The following SGCD variants were observed in gnomAD, a reference collection of about 807,000 sequenced individuals.
The protein encoded by SGCD is delta-sarcoglycan.
A neutral mutation model predicts 36.6 loss-of-function variants in SGCD; 18 were observed. The observed-to-expected ratio is 0.49, with a 90% CI of 0.34 to 0.73. SGCD has a LOEUF of 0.73. Ranked by LOEUF, SGCD falls within the 30% of genes least tolerant of loss-of-function variation. The pLI is 0.01. For synonymous variants in SGCD, 133 were observed against 130.6 expected, an observed-to-expected ratio of 1.02 and a Z score of -0.12; for missense variants, 387 against 346.7, an observed-to-expected ratio of 1.12 and a Z score of -0.92.
chr5:156,249,034 C>T (rs17053370), intron 3 of SGCD, among the ~76,000 whole-genome samples: 60,999 of 151,968 alleles, frequency 0.4, 12,412 homozygotes, highest in South Asian at 0.47. Flanking sequence ...TCTGAGGTAA[C>T]TTTGAGACAC....
chr5:156,310,955 G>A (rs1767375472), intron 3 of SGCD, among the ~76,000 whole-genome samples: 1 of 152,152 alleles, frequency 6.6e-6, no homozygotes, highest in Non-Finnish European at 1.5e-5. Flanking sequence ...AAGCTTCCCA[G>A]AAGTGTCTTG....
the SGCD span, among the ~76,000 whole-genome samples, chr5:155,766,856 C>G: frequency 6.6e-6 from 1 of 152,118 alleles, no homozygotes; most frequent in Admixed American, 6.5e-5. Flanking sequence ...AGGATTCAAA[C>G]CAACTCCATT....
At chr5:156,088,455 T>A (rs1761156743) in intron 1 of SGCD, among the ~76,000 whole-genome samples, 1 of 152,060 alleles carries the variant, frequency 6.6e-6, no homozygotes, top group Non-Finnish European at 1.5e-5. Context: ...GGCATTTTCC[T>A]GTGTAGGTGA....
chr5:156,183,991 A>G (rs1452242159), intron 3 of SGCD, among the ~76,000 whole-genome samples: 5 of 152,210 alleles, frequency 3.3e-5, no homozygotes, highest in Non-Finnish European at 7.3e-5. Context: ...TCAGCTGAAA[A>G]TATTGTAAGT....
intron 3 of SGCD, among the ~76,000 whole-genome samples, chr5:156,504,022 G>C (rs907974168): frequency 2.0e-5 from 3 of 151,846 alleles, no homozygotes; most frequent in Admixed American, 6.6e-5. Flanking sequence ...TGGCCAACAT[G>C]GTGAAACCCC....
At chr5:155,962,130 T>C (rs1328542718) in intron 1 of SGCD, among the ~76,000 whole-genome samples, 1 of 152,082 alleles carries the variant, frequency 6.6e-6, no homozygotes. Context: ...CTATGCATAG[T>C]TACATAGCAG....
chr5:155,874,428 A>C (rs191654791), intron 1 of SGCD, among the ~76,000 whole-genome samples: 43 of 152,292 alleles, frequency 2.8e-4, no homozygotes, highest in African/African-American at 9.9e-4. Context: ...ATAAAGGAAG[A>C]AGTCATTTTT....
At chr5:156,375,395 CTTTTTTT>C (rs60179274) in intron 3 of SGCD, among the ~76,000 whole-genome samples, 1,156 of 110,746 alleles carry the variant, frequency 0.01, 15 homozygotes, top group African/African-American at 0.03. Flanking sequence ...TCCTTCACAG[CTTTTTTT>C]TTTTTTTTTT....
At chr5:156,050,303 C>G (rs1398411509) in intron 1 of SGCD, among the ~76,000 whole-genome samples, 2 of 146,774 alleles carry the variant, frequency 1.4e-5, no homozygotes, top group African/African-American at 4.9e-5. Context: ...AGGCAAGACT[C>G]TCCACCAGCA....
chr5:155,759,838 C>T, the SGCD span, among the ~76,000 whole-genome samples: 1 of 152,200 alleles, frequency 6.6e-6, no homozygotes, highest in Non-Finnish European at 1.5e-5. Context: ...TCACATACTT[C>T]TCAGCTATTA....
intron 3 of SGCD, among the ~76,000 whole-genome samples, chr5:156,440,143 T>C (rs1753420406): frequency 6.6e-6 from 1 of 152,018 alleles, no homozygotes; most frequent in Admixed American, 6.6e-5. Context: ...AATCTCCCCT[T>C]CCCTGTAGTC....
chr5:155,985,855 CACTT>C (rs1339406679), intron 1 of SGCD, among the ~76,000 whole-genome samples: 1 of 152,156 alleles, frequency 6.6e-6, no homozygotes, highest in African/African-American at 2.4e-5. Context: ...AGCTGTCCCT[CACTT>C]GCTTGTAAAT....
chr5:156,068,649 G>T (rs867724460), intron 1 of SGCD, among the ~76,000 whole-genome samples: 8,762 of 150,192 alleles, frequency 0.058, 848 homozygotes, highest in African/African-American at 0.2. Flanking sequence ...GTAATGGGAT[G>T]GCTGGGTCAA....
chr5:155,921,701 T>C (rs1290224470), intron 1 of SGCD, among the ~76,000 whole-genome samples: 1 of 152,140 alleles, frequency 6.6e-6, no homozygotes, highest in Admixed American at 6.6e-5. Flanking sequence ...AGCAACACTT[T>C]CAAAAACTAT....
intron 1 of SGCD, among the ~76,000 whole-genome samples, chr5:155,996,891 A>AGATAGATT (rs1758562048): frequency 6.6e-6 from 1 of 151,890 alleles, no homozygotes; most frequent in Non-Finnish European, 1.5e-5. Flanking sequence ...ATAGATAGAT[A>AGATAGATT]GATAGATAGA....
At chr5:156,124,566 T>A (rs1762124391) in intron 3 of SGCD, among the ~76,000 whole-genome samples, 2 of 152,290 alleles carry the variant, frequency 1.3e-5, no homozygotes, top group South Asian at 4.1e-4. Flanking sequence ...ATGATAATTA[T>A]CACAGTAACG....
At chr5:155,831,230 A>T in the SGCD span, among the ~76,000 whole-genome samples, 2 of 152,144 alleles carry the variant, frequency 1.3e-5, no homozygotes, top group Non-Finnish European at 2.9e-5. Flanking sequence ...ACTCTGTGAT[A>T]TATTCCTCCA....
chr5:156,218,088 A>G (rs947660965), intron 3 of SGCD, among the ~76,000 whole-genome samples: 1 of 152,052 alleles, frequency 6.6e-6, no homozygotes, highest in Non-Finnish European at 1.5e-5. Context: ...AGCCTGGCCA[A>G]TATGGTGAAA....
At chr5:156,420,241 G>A (rs1773239555) in intron 3 of SGCD, among the ~76,000 whole-genome samples, 1 of 152,052 alleles carries the variant, frequency 6.6e-6, no homozygotes, top group Admixed American at 6.6e-5. Flanking sequence ...TCTCTTTCTG[G>A]TTTGAATGGA....
Sources: gnomAD v4.1 joint callset for allele counts (sites outside exome capture counted in the v4.1 genomes callset) on GRCh38, gnomAD v4.1.1 for gene constraint, MANE v1.5 for transcripts, NCBI Gene and HGNC (gene_info 2026-07-23, HGNC 2026-07-21) for gene names.